The following ARHGAP28 variants were observed in gnomAD, a reference collection of about 807,000 sequenced individuals.
ARHGAP28 encodes the protein rho GTPase-activating protein 28.
In ARHGAP28, 56 loss-of-function variants were observed where a neutral mutation model predicts 90.7. The observed-to-expected ratio is 0.62, with a 90% confidence interval of 0.50 to 0.77. The LOEUF (loss-of-function observed/expected upper bound fraction) is 0.77, where lower values mean the gene tolerates loss of function less well. ARHGAP28 is among the 30% of genes least tolerant of loss of function. ARHGAP28 has a pLI of 0.00. For synonymous variants in ARHGAP28, 308 were observed against 323.3 expected (o/e 0.95, Z 0.51); for missense variants, 869 against 900.9 (o/e 0.96, Z 0.45).
intron 1 of ARHGAP28, among the ~76,000 whole-genome samples, chr18:6,753,580 T>C (rs1311476089): frequency 6.6e-6 from 1 of 152,246 alleles, no homozygotes; most frequent in Non-Finnish European, 1.5e-5. Context: ...TCACATAGTG[T>C]GAAATTTGAA....
chr18:6,774,353 C>A (rs2056267092), intron 1 of ARHGAP28: 1 of 152,180 alleles, frequency 6.6e-6, no homozygotes, highest in East Asian at 1.9e-4. Flanking sequence ...TTTTTAAAAT[C>A]TATTTTTAGG....
intron 1 of ARHGAP28, among the ~76,000 whole-genome samples, chr18:6,776,113 A>C (rs752382846): frequency 1.3e-5 from 2 of 152,214 alleles, no homozygotes; most frequent in Non-Finnish European, 2.9e-5. Context: ...TTCTGGCTGA[A>C]ATTTTAGGAA....
In ARHGAP28 at chr18:6,911,558, C is replaced by G. The variant is rs149445304; in HGVS notation, c.2096-502C>G. Reference sequence around the variant, plus strand: ...TCAAGTGATTCTCCTGCCTCAGCCTCCCCAGTAGCTGGAATTACAGGCGCC... The same window carrying G: ...TCAAGTGATTCTCCTGCCTCAGCCTGCCCAGTAGCTGGAATTACAGGCGCC... On this transcript the variant is annotated intron_variant, in intron 17 of 17. Coordinates refer to ENST00000383472, the MANE Select transcript of ARHGAP28 (RefSeq NM_001366230.1). Among the ~76,000 whole-genome samples the G allele has an allele frequency of 4.6e-5, 7 of 152,224 alleles. No individual in the cohort carries two copies. The South Asian group carries it at 1.4e-3, about 32-fold the overall frequency.
At chr18:6,840,566 CT>C (rs1211412537) in intron 3 of ARHGAP28, among the ~76,000 whole-genome samples, 1 of 152,104 alleles carries the variant, frequency 6.6e-6, no homozygotes, top group African/African-American at 2.4e-5. Context: ...ATGGAATAAA[CT>C]GGTGTCTAAC....
intron 1 of ARHGAP28, among the ~76,000 whole-genome samples, chr18:6,800,114 A>T (rs1044647643): frequency 3.3e-5 from 5 of 152,236 alleles, no homozygotes; most frequent in African/African-American, 1.2e-4. Context: ...AAAAAAGCTC[A>T]TCATCACTGG....
chr18:6,744,039 A>G (rs1370527304), intron 1 of ARHGAP28, among the ~76,000 whole-genome samples: 1 of 151,334 alleles, frequency 6.6e-6, no homozygotes, highest in Non-Finnish European at 1.5e-5. Flanking sequence ...TGAATGATTG[A>G]AAAAAAAAGC....
chr18:6,811,218 C>T (rs2056553841), intron 1 of ARHGAP28, among the ~76,000 whole-genome samples: 1 of 152,120 alleles, frequency 6.6e-6, no homozygotes. Flanking sequence ...TGGGGTCACC[C>T]TTGCCAACTT....
chr18:6,841,150 CTCCTCTT>C (rs1348179569), intron 3 of ARHGAP28, among the ~76,000 whole-genome samples: 1 of 121,588 alleles, frequency 8.2e-6, no homozygotes, highest in Non-Finnish European at 1.9e-5. Flanking sequence ...CACTGTCTCT[CTCCTCTT>C]TCTCTCTCTC....
intron 1 of ARHGAP28, among the ~76,000 whole-genome samples, chr18:6,757,693 T>C (rs1324094579): frequency 6.6e-6 from 1 of 152,172 alleles, no homozygotes; most frequent in Non-Finnish European, 1.5e-5. Context: ...CTCTCCATCA[T>C]TGCAAAGTTA....
intron 1 of ARHGAP28, among the ~76,000 whole-genome samples, chr18:6,736,761 A>C (rs977142341): frequency 1.4e-5 from 2 of 140,118 alleles, no homozygotes; most frequent in African/African-American, 6.5e-5. Flanking sequence ...AAAAAAAACA[A>C]AAAACAGAAA....
At chr18:6,766,085 G>T (rs1334145545) in intron 1 of ARHGAP28, among the ~76,000 whole-genome samples, 1 of 152,176 alleles carries the variant, frequency 6.6e-6, no homozygotes, top group Non-Finnish European at 1.5e-5. Flanking sequence ...TGTGTGGGAT[G>T]AAAGTAGTCT....
rs769723802 is a variant in ARHGAP28 at position 6,868,250 on chromosome 18, C to G, written c.811+16C>G. The G allele has an allele frequency of 1.2e-6, 2 of 1,610,214 alleles. No homozygotes were observed. The highest frequency in any genetic ancestry group is 1.7e-6 in the Non-Finnish European group (2 of 1,176,526). On this transcript the variant is annotated intron_variant, in intron 6 of 17. Coordinates refer to ENST00000383472, the MANE Select transcript of ARHGAP28 (RefSeq NM_001366230.1). ...GCGATAAGTGGTGAGCGGCATGCCT[C>G]CTGTTGAACTTCAGCTGTGTCTTCT...
intron 16 of ARHGAP28, among the ~76,000 whole-genome samples, chr18:6,903,063 A>G (rs2143826903): frequency 6.6e-6 from 1 of 152,360 alleles, no homozygotes; most frequent in African/African-American, 2.4e-5. Flanking sequence ...CAGTCACAAA[A>G]GGATAAACAC....
At chr18:6,761,097 T>C (rs532371272) in intron 1 of ARHGAP28, among the ~76,000 whole-genome samples, 2 of 149,850 alleles carry the variant, frequency 1.3e-5, no homozygotes, top group South Asian at 4.2e-4. Context: ...TTATATATTG[T>C]ACAAAATAAG....
intron 1 of ARHGAP28, chr18:6,788,545 T>G (rs979230869): frequency 6.6e-6 from 1 of 152,176 alleles, no homozygotes; most frequent in African/African-American, 2.4e-5. Context: ...CACTGCAAGC[T>G]CCACCTCCTG....
At chr18:6,910,887 C>A (rs2057393578) in intron 17 of ARHGAP28, among the ~76,000 whole-genome samples, 1 of 135,300 alleles carries the variant, frequency 7.4e-6, no homozygotes, top group Non-Finnish European at 1.6e-5. Context: ...CTCTGTCGCC[C>A]AGGCTGGAGT....
intron 4 of ARHGAP28, among the ~76,000 whole-genome samples, chr18:6,852,081 G>A (rs1005530058): frequency 3.3e-5 from 5 of 152,066 alleles, no homozygotes; most frequent in Non-Finnish European, 7.4e-5. Flanking sequence ...CAATAATCCT[G>A]TTTTTAAAAG....
At chr18:6,871,785 A>G (rs2057091710) in intron 7 of ARHGAP28, among the ~76,000 whole-genome samples, 1 of 152,142 alleles carries the variant, frequency 6.6e-6, no homozygotes, top group Non-Finnish European at 1.5e-5. Flanking sequence ...GTTCCCAAAC[A>G]ACCATCCCAT....
chr18:6,739,518 T>G (rs1243311749), intron 1 of ARHGAP28, among the ~76,000 whole-genome samples: 1 of 150,832 alleles, frequency 6.6e-6, no homozygotes, highest in Admixed American at 6.6e-5. Flanking sequence ...ATATATATAT[T>G]AAGAATATAT....
Sources: allele counts gnomAD v4.1 joint callset (sites outside exome capture counted in the v4.1 genomes callset), GRCh38; gene constraint gnomAD v4.1.1; transcripts MANE v1.5; gene names NCBI Gene and HGNC (gene_info 2026-07-23, HGNC 2026-07-21).